Variants in UNC5D observed in about 807,000 individuals in gnomAD.
UNC5D encodes netrin receptor UNC5D.
Under a neutral mutation model 105.4 loss-of-function variants are expected in UNC5D, and 39 were observed. The observed-to-expected ratio is 0.37, with a 90% CI of 0.29 to 0.48. The LOEUF (loss-of-function observed/expected upper bound fraction) is 0.48, where lower values mean the gene tolerates loss of function less well. UNC5D is among the 20% of genes least tolerant of loss of function. The pLI is 0.98. For missense variants in UNC5D, 991 were observed against 1,202.4 expected (o/e 0.82, Z 2.60); for synonymous variants, 452 against 450.4 (o/e 1.00, Z -0.04).
At chr8:35,563,735 G>A (rs1817127048) in intron 2 of UNC5D, among the ~76,000 whole-genome samples, 1 of 152,010 alleles carries the variant, frequency 6.6e-6, no homozygotes, top group Non-Finnish European at 1.5e-5. Context: ...TGTTCAGTAG[G>A]TTGTTAGCTG....
At position 35,657,080 on chromosome 8, in the gene UNC5D, G is replaced by A. The variant is rs3857975; in HGVS notation, c.571-26467G>A. ...TGTGTGTGTGTGTGTGTGTGTGTGTGTATATATATATATATATATATATAT... is the reference window on the plus strand; with the variant it reads ...TGTGTGTGTGTGTGTGTGTGTGTGTATATATATATATATATATATATATAT... On this transcript the variant is annotated intron_variant, in intron 4 of 16. Transcript: ENST00000404895. Among the ~76,000 whole-genome samples, 335 of 46,270 alleles carry A rather than the reference G, an allele frequency of 7.2e-3. 5 individuals are homozygous for A. The highest frequency in any genetic ancestry group is 0.02 in the African/African-American group (173 of 8,704). 30.4% of individuals were successfully genotyped at this position (46,270 alleles called of 152,430 possible).
chr8:35,338,896 A>G (rs960748018), intron 1 of UNC5D, among the ~76,000 whole-genome samples: 2 of 151,418 alleles, frequency 1.3e-5, no homozygotes, highest in Admixed American at 6.6e-5. Flanking sequence ...ATTTAATTCC[A>G]CTCTAGGTTC....
intron 1 of UNC5D, among the ~76,000 whole-genome samples, chr8:35,413,927 C>T (rs1185752310): frequency 6.6e-6 from 1 of 152,042 alleles, no homozygotes; most frequent in Non-Finnish European, 1.5e-5. Context: ...TAGTGCTGGT[C>T]ATATATTACA....
At chr8:35,638,286 A>G (rs1822503173) in intron 4 of UNC5D, among the ~76,000 whole-genome samples, 1 of 152,126 alleles carries the variant, frequency 6.6e-6, no homozygotes, top group Non-Finnish European at 1.5e-5. Context: ...CTAAAATTGG[A>G]GCGGTGTTTG....
chr8:35,527,324 C>T (rs968122956), intron 1 of UNC5D, among the ~76,000 whole-genome samples: 1 of 152,092 alleles, frequency 6.6e-6, no homozygotes, highest in Admixed American at 6.5e-5. Flanking sequence ...GGGCATCTGT[C>T]GCAGTCAGTT....
intron 3 of UNC5D, among the ~76,000 whole-genome samples, chr8:35,583,226 G>GC (rs1374949183): frequency 1.3e-5 from 2 of 152,150 alleles, no homozygotes; most frequent in Non-Finnish European, 2.9e-5. Context: ...GATGGCATGT[G>GC]CCTGTAGTTC....
chr8:35,415,935 T>G (rs1035373974), intron 1 of UNC5D, among the ~76,000 whole-genome samples: 1 of 152,118 alleles, frequency 6.6e-6, no homozygotes, highest in Non-Finnish European at 1.5e-5. Context: ...ACATTTACCT[T>G]GCAAACTGTA....
At chr8:35,640,161 G>T (rs1586314002) in intron 4 of UNC5D, among the ~76,000 whole-genome samples, 1 of 151,774 alleles carries the variant, frequency 6.6e-6, no homozygotes, top group Non-Finnish European at 1.5e-5. Flanking sequence ...TCTGCTAATT[G>T]CGAAACCCCA....
At chr8:35,314,344 C>T (rs1213018874) in intron 1 of UNC5D, among the ~76,000 whole-genome samples, 1 of 152,052 alleles carries the variant, frequency 6.6e-6, no homozygotes, top group African/African-American at 2.4e-5. Flanking sequence ...ACTGTATTCT[C>T]AAGTATAGGG....
At chr8:35,566,125 A>T (rs1434426929) in intron 2 of UNC5D, among the ~76,000 whole-genome samples, 1 of 152,206 alleles carries the variant, frequency 6.6e-6, no homozygotes, top group Non-Finnish European at 1.5e-5. Context: ...GCTTTCACAA[A>T]CAGGGGAAAT....
intron 7 of UNC5D, among the ~76,000 whole-genome samples, chr8:35,689,448 A>T (rs910295274): frequency 3.3e-5 from 5 of 152,208 alleles, no homozygotes; most frequent in Non-Finnish European, 7.3e-5. Flanking sequence ...AACCAATAGG[A>T]TATGCACACA....
chr8:35,249,283 C>T (rs1436769144), intron 1 of UNC5D, among the ~76,000 whole-genome samples: 1 of 149,444 alleles, frequency 6.7e-6, no homozygotes, highest in Non-Finnish European at 1.5e-5. Flanking sequence ...GGTGGCCAGG[C>T]GTGGTGGCTC....
intron 1 of UNC5D, among the ~76,000 whole-genome samples, chr8:35,334,865 G>T (rs1056134428): frequency 1.2e-4 from 19 of 152,078 alleles, no homozygotes; most frequent in South Asian, 6.2e-4. Flanking sequence ...GACTGATATT[G>T]TCAGGTGTGA....
chr8:35,578,813 C>T (rs578259818), intron 3 of UNC5D, among the ~76,000 whole-genome samples: 3 of 152,138 alleles, frequency 2.0e-5, no homozygotes, highest in East Asian at 1.9e-4. Flanking sequence ...AACACCAAGA[C>T]GGGAACCACT....
intron 1 of UNC5D, among the ~76,000 whole-genome samples, chr8:35,329,233 A>G (rs1168985193): frequency 2.6e-5 from 4 of 152,096 alleles, no homozygotes; most frequent in Non-Finnish European, 4.4e-5. Flanking sequence ...GGAATTGTCC[A>G]CTTCCCAAGT....
intron 1 of UNC5D, among the ~76,000 whole-genome samples, chr8:35,455,434 A>C (rs1266792971): frequency 6.6e-6 from 1 of 151,992 alleles, no homozygotes; most frequent in African/African-American, 2.4e-5. Context: ...AAACAACACC[A>C]CGCCTGGCTA....
chr8:35,300,735 G>C (rs752799866), intron 1 of UNC5D, among the ~76,000 whole-genome samples: 2 of 152,116 alleles, frequency 1.3e-5, no homozygotes, highest in Non-Finnish European at 2.9e-5. Context: ...GTTTCCCACA[G>C]GGTGTGGATT....
chr8:35,248,947 A>G (rs1183954861), intron 1 of UNC5D, among the ~76,000 whole-genome samples: 2 of 94,976 alleles, frequency 2.1e-5, no homozygotes, highest in African/African-American at 8.8e-5. Context: ...AATATATTAT[A>G]TATAAACATA....
intron 16 of UNC5D, among the ~76,000 whole-genome samples, chr8:35,775,560 A>G (rs568249853): frequency 6.6e-6 from 1 of 152,158 alleles, no homozygotes; most frequent in South Asian, 2.1e-4. Context: ...AGAAAAGAGA[A>G]TATATTTTGC....
Sources: allele counts gnomAD v4.1 joint callset (sites outside exome capture counted in the v4.1 genomes callset), GRCh38; gene constraint gnomAD v4.1.1; transcripts MANE v1.5; gene names NCBI Gene and HGNC (gene_info 2026-07-23, HGNC 2026-07-21).